OR10D3: variants seen among roughly 807,000 people sequenced by gnomAD.
OR10D3 encodes the protein olfactory receptor 10D3.
For synonymous variants in OR10D3, 100 were observed against 57.6 expected (o/e 1.74, Z -3.33); for missense variants, 286 against 153.7 (o/e 1.86, Z -4.55).
chr11:124,185,684 A>G (rs1861215037), exon 2 of OR10D3: 1 of 703,704 alleles, frequency 1.4e-6, no homozygotes. Context: ...CATGAACCCA[A>G]GGATCTGTGT....
exon 2 of OR10D3, chr11:124,186,208 G>A: frequency 2.9e-6 from 2 of 693,422 alleles, no homozygotes; most frequent in East Asian, 5.4e-5. Context: ...CTGAGAGTTA[G>A]TAAGAGCAGA....
At chr11:124,186,435 G>T in exon 2 of OR10D3, 2 of 320,640 alleles carry the variant, frequency 6.2e-6, no homozygotes, top group Non-Finnish European at 1.1e-5. Flanking sequence ...CTTGTTTATT[G>T]TTACTTTGCC....
chr11:124,186,393 TG>T, exon 2 of OR10D3: 1 of 474,042 alleles, frequency 2.1e-6, no homozygotes, highest in East Asian at 3.2e-5. Context: ...GTCTAGGTTC[TG>T]CCTCTTCACC....
exon 2 of OR10D3, chr11:124,188,405 AGCT>A (rs1861248494): frequency 6.6e-6 from 1 of 152,256 alleles, no homozygotes. Context: ...CTTGAAAGAA[AGCT>A]CTGTCTCCAA....
intron 1 of OR10D3, chr11:124,184,413 AGGTAGCT>A (rs932513336): frequency 1.3e-5 from 2 of 152,168 alleles, no homozygotes; most frequent in African/African-American, 4.8e-5. Flanking sequence ...GTGTGTGGGG[AGGTAGCT>A]GGATATATAT....
In OR10D3 at chr11:124,185,814, C is replaced by T. The variant is rs1591376938; in HGVS notation, c.545C>T (p.Pro182Leu). The change falls in exon 2 of 2, where the codon CCA (proline) becomes CTA (leucine). Residue 182 changes from proline to leucine, a missense_variant. By Grantham distance (98) the Pro-to-Leu change is moderately conservative. Coordinates refer to ENST00000641351, the Ensembl canonical transcript of OR10D3. Reference sequence around the variant, plus strand: ...GTGGATCACTTCTTCTGTGACATTCCAGCACTGTTGCCCTTGGCCTGTGCT... The same window carrying T: ...GTGGATCACTTCTTCTGTGACATTCTAGCACTGTTGCCCTTGGCCTGTGCT... 3 of 703,690 alleles carry T rather than the reference C, an allele frequency of 4.3e-6. No homozygotes were observed. The East Asian group carries it at 8.0e-5, about 19-fold the overall frequency. 43.6% of individuals were successfully genotyped at this position (703,690 alleles called of 1,614,324 possible).
At chr11:124,186,321 G>T in exon 2 of OR10D3, 2 of 606,502 alleles carry the variant, frequency 3.3e-6, no homozygotes, top group South Asian at 2.0e-5. Context: ...GCACTGTGCT[G>T]AATGATATGG....
intron 1 of OR10D3, among the ~76,000 whole-genome samples, chr11:124,184,514 C>T (rs186457451): frequency 5.9e-5 from 9 of 151,872 alleles, no homozygotes; most frequent in Non-Finnish European, 1.0e-4. Context: ...TGGTTAATAC[C>T]GGGGTAAGAT....
chr11:124,186,061 C>T (rs1218607065), exon 2 of OR10D3: 2 of 703,302 alleles, frequency 2.8e-6, no homozygotes, highest in Non-Finnish European at 5.2e-6. Context: ...AGCCCACACC[C>T]AACCCCATGC....
At chr11:124,184,599 A>C (rs1285698733) in intron 1 of OR10D3, among the ~76,000 whole-genome samples, 2 of 152,178 alleles carry the variant, frequency 1.3e-5, no homozygotes, top group Non-Finnish European at 2.9e-5. Context: ...GATGTTTAAA[A>C]AGAAAAAAAA....
exon 2 of OR10D3, chr11:124,187,380 T>C (rs190514926): frequency 3.2e-4 from 48 of 152,346 alleles, no homozygotes; most frequent in African/African-American, 1.1e-3. Context: ...ATCAAAGTTA[T>C]CTACTTTGGC....
chr11:124,183,786 T>G (rs1861190045), intron 1 of OR10D3, among the ~76,000 whole-genome samples: 1 of 152,160 alleles, frequency 6.6e-6, no homozygotes, highest in African/African-American at 2.4e-5. Flanking sequence ...TTACAAAGTA[T>G]TCTCAGAATT....
chr11:124,183,617 G>T (rs12787768), intron 1 of OR10D3, among the ~76,000 whole-genome samples: 43,972 of 142,410 alleles, frequency 0.31, 7,981 homozygotes, highest in East Asian at 0.46. Flanking sequence ...AAGTGCAGTG[G>T]CACGATCTCA....
intron 1 of OR10D3, chr11:124,184,321 T>G (rs1252983481): frequency 6.6e-6 from 1 of 152,214 alleles, no homozygotes; most frequent in Non-Finnish European, 1.5e-5. Context: ...CAAACGTTTA[T>G]TGAAAAAGGC....
Position 124,186,159 on chromosome 11 carries a change from C to T in OR10D3, c.890C>T (p.Thr297Ile), listed in dbSNP as rs1210751522. 3 of 702,798 alleles carry T rather than the reference C, an allele frequency of 4.3e-6. No homozygotes were observed. In the East Asian group the frequency reaches 8.0e-5, roughly 19 times the overall value. 43.5% of individuals were successfully genotyped at this position (702,798 alleles called of 1,614,324 possible). A position where few individuals can be genotyped will look rare whatever the true frequency, so the allele number is the denominator to read the frequency against. The change falls in exon 2 of 2, where the codon ACA (threonine) becomes ATA (isoleucine). Residue 297 changes from threonine to isoleucine, a missense_variant. Transcript: ENST00000641351. ...ACCTTGAGGAATAAGGAAGTAAAAA[C>T]AGCCCTGAAAACAATATTGCACAGG...
At position 124,185,246 on chromosome 11, in the gene OR10D3, C is replaced by T; in HGVS notation, c.-11-13C>T. 2 of 691,758 alleles carry T rather than the reference C, an allele frequency of 2.9e-6. No homozygotes were observed. Among genetic ancestry groups the T allele is most frequent in the Non-Finnish European group, 5.3e-6 (2 of 379,016 alleles). The allele number at this position is 691,758 out of a possible 1,614,324, so 42.9% of individuals were successfully genotyped here. On this transcript the variant is annotated splice_polypyrimidine_tract_variant and intron_variant, in intron 1 of 1. Coordinates refer to ENST00000641351, the Ensembl canonical transcript of OR10D3. ...CATTCTTCCATGTCCTCAGCCTCCT[C>T]TTTCCTTCCTAGGACTGGCTTCCAT...
exon 2 of OR10D3, chr11:124,185,783 A>G (rs1279834378): frequency 5.7e-6 from 4 of 703,586 alleles, no homozygotes; most frequent in Non-Finnish European, 1.0e-5. Flanking sequence ...CTGTGGTCCC[A>G]ATGAAGTGGA....
chr11:124,185,623 G>A (rs1265837476), exon 2 of OR10D3: 1 of 703,530 alleles, frequency 1.4e-6, no homozygotes, highest in Non-Finnish European at 2.6e-6. Flanking sequence ...TTACGGTGAT[G>A]GCCTATGACC....
At chr11:124,184,315 C>T (rs1484866935) in intron 1 of OR10D3, 3 of 152,096 alleles carry the variant, frequency 2.0e-5, no homozygotes, top group East Asian at 3.9e-4. Flanking sequence ...CTTCATCAAA[C>T]GTTTATTGAA....
Sources: gnomAD v4.1 joint callset for allele counts (sites outside exome capture counted in the v4.1 genomes callset) on GRCh38, gnomAD v4.1.1 for gene constraint, MANE v1.5 for transcripts, NCBI Gene and HGNC (gene_info 2026-07-23, HGNC 2026-07-21) for gene names.